CSMD2: variants seen among roughly 807,000 people sequenced by gnomAD.
The protein encoded by CSMD2 is CUB and Sushi multiple domains 2, also known as CUB and sushi domain-containing protein 2.
In CSMD2, 130 loss-of-function variants were observed where a neutral mutation model predicts 398.5. That is an observed-to-expected ratio of 0.33 (90% CI 0.28 to 0.38). CSMD2 has a LOEUF of 0.38. Among genes scored for constraint, CSMD2 ranks in the 10% least tolerant of loss-of-function variants. The probability of loss-of-function intolerance (pLI) is 1.00; values close to 1 mark genes in which losing one functional copy is unlikely to be tolerated. For synonymous variants in CSMD2, 1,828 were observed against 1,908.5 expected, an observed-to-expected ratio of 0.96 and a Z score of 1.10; for missense variants, 3,829 against 4,764.9, an observed-to-expected ratio of 0.80 and a Z score of 5.78.
chr1:33,902,725 G>C (rs1456405503), intron 5 of CSMD2, among the ~76,000 whole-genome samples: 1 of 152,146 alleles, frequency 6.6e-6, no homozygotes, highest in East Asian at 1.9e-4. Flanking sequence ...GAAAGATAAA[G>C]CCACATGCAG....
chr1:34,052,887 G>A (rs911096330), intron 2 of CSMD2, among the ~76,000 whole-genome samples: 5 of 152,084 alleles, frequency 3.3e-5, no homozygotes, highest in Non-Finnish European at 7.4e-5. Flanking sequence ...AAGAGGGTCC[G>A]TGGATTTGGC....
chr1:33,778,292 C>T (rs546601200), intron 12 of CSMD2, among the ~76,000 whole-genome samples: 4 of 152,234 alleles, frequency 2.6e-5, no homozygotes, highest in Admixed American at 6.5e-5. Context: ...AACTCCTGGG[C>T]TCGAGCAATC....
intron 1 of CSMD2, among the ~76,000 whole-genome samples, chr1:34,126,190 T>C (rs917097311): frequency 2.6e-5 from 4 of 152,188 alleles, no homozygotes. Flanking sequence ...CCACCTCCAA[T>C]TTAAACTACT....
At chr1:33,783,680 T>A (rs1236191776) in intron 12 of CSMD2, among the ~76,000 whole-genome samples, 1 of 152,168 alleles carries the variant, frequency 6.6e-6, no homozygotes, top group Non-Finnish European at 1.5e-5. Context: ...ACAACCGTTA[T>A]CTTTACCCCA....
intron 3 of CSMD2, among the ~76,000 whole-genome samples, chr1:33,967,390 G>A (rs966432231): frequency 6.6e-6 from 1 of 152,016 alleles, no homozygotes; most frequent in Non-Finnish European, 1.5e-5. Flanking sequence ...ACACCCCAGC[G>A]TGAACAAATG....
chr1:33,614,908 G>A (rs1641287923), intron 39 of CSMD2, among the ~76,000 whole-genome samples: 1 of 152,190 alleles, frequency 6.6e-6, no homozygotes, highest in Admixed American at 6.5e-5. Context: ...TGGTGAGGAT[G>A]TCCAGGAAAA....
intron 1 of CSMD2, among the ~76,000 whole-genome samples, chr1:34,112,783 A>G (rs1036288892): frequency 6.6e-6 from 1 of 152,192 alleles, no homozygotes; most frequent in Non-Finnish European, 1.5e-5. Context: ...TGGGAGTAGC[A>G]TGGGGATATA....
chr1:33,778,077 T>C (rs543666333), intron 12 of CSMD2, among the ~76,000 whole-genome samples: 4 of 152,364 alleles, frequency 2.6e-5, no homozygotes, highest in Admixed American at 2.0e-4. Context: ...TTGGCATGAC[T>C]AACGCCTTGC....
At chr1:33,756,814 C>G (rs574893303) in intron 13 of CSMD2, among the ~76,000 whole-genome samples, 1 of 152,116 alleles carries the variant, frequency 6.6e-6, no homozygotes, top group African/African-American at 2.4e-5. Flanking sequence ...TGGGTATATA[C>G]CCAAAGGATT....
In CSMD2 at chr1:34,012,947, G is replaced by C. The variant is rs1234995428; in HGVS notation, c.517+19647C>G. ...AGGCTTGTCTGCATTTTGTTTTCCT[G>C]GGGTTCCCATCTGCAATGGGCCAGC... On this transcript the variant is annotated intron_variant, in intron 3 of 70. Coordinates refer to ENST00000373381, the MANE Select transcript of CSMD2 (RefSeq NM_001281956.2). Among the ~76,000 whole-genome samples the C allele has an allele frequency of 2.0e-5, 3 of 152,124 alleles. No individual in the cohort carries two copies. The East Asian group carries it at 5.8e-4, about 29-fold the overall frequency.
chr1:34,148,997 C>G (rs771136), intron 1 of CSMD2, among the ~76,000 whole-genome samples: 54,620 of 152,000 alleles, frequency 0.36, 11,260 homozygotes, highest in East Asian at 0.61. Context: ...GGTCATGAAA[C>G]CTTTGCCCTC....
At chr1:33,729,763 A>G (rs989089507) in intron 15 of CSMD2, among the ~76,000 whole-genome samples, 1 of 152,162 alleles carries the variant, frequency 6.6e-6, no homozygotes, top group African/African-American at 2.4e-5. Flanking sequence ...AAGCACAGTG[A>G]AATATTGTTT....
At chr1:34,066,107 A>G (rs1198752121) in intron 2 of CSMD2, among the ~76,000 whole-genome samples, 2 of 152,166 alleles carry the variant, frequency 1.3e-5, no homozygotes, top group African/African-American at 2.4e-5. Context: ...ATGATAATAC[A>G]TTCCCCATAG....
intron 12 of CSMD2, among the ~76,000 whole-genome samples, chr1:33,780,550 G>A (rs1316477657): frequency 6.6e-6 from 1 of 152,218 alleles, no homozygotes; most frequent in Non-Finnish European, 1.5e-5. Flanking sequence ...GGACATGGAG[G>A]TAGCCTCCAA....
chr1:33,587,457 G>C (rs750659249), intron 44 of CSMD2, among the ~76,000 whole-genome samples: 2 of 152,196 alleles, frequency 1.3e-5, no homozygotes, highest in Non-Finnish European at 2.9e-5. Flanking sequence ...GTGGATATTA[G>C]GCGTTTTATA....
In CSMD2 at chr1:33,824,506, C is replaced by T. The variant is rs144747671; in HGVS notation, c.1111+1191G>A. On this transcript the variant is annotated intron_variant, in intron 7 of 70. Coordinates refer to ENST00000373381, the MANE Select transcript of CSMD2 (RefSeq NM_001281956.2). ...CCACAGACAATCCCCAACCCAGGCT[C>T]GGTTCAGTCGGAGCCTGAGACCAAA... Among the ~76,000 whole-genome samples the T allele has an allele frequency of 6.5e-3, 984 of 152,350 alleles. 10 individuals are homozygous for T. The highest frequency in any genetic ancestry group is 0.037 in the Middle Eastern group (11 of 294).
Position 33,918,259 on chromosome 1 carries a change from A to T in CSMD2, c.755T>A (p.Ile252Asn), listed in dbSNP as rs757241022. 1 of 1,614,082 alleles carries T rather than the reference A, an allele frequency of 6.2e-7. No individual in the cohort carries two copies. The highest frequency in any genetic ancestry group is 1.1e-5 in the South Asian group (1 of 91,084). The change falls in exon 5 of 71, where the codon ATC (isoleucine) becomes AAC (asparagine). Residue 252 changes from isoleucine to asparagine, a missense_variant. Ile to Asn is a moderately radical substitution (Grantham distance 149). This residue lies in a region of CSMD2 where 2,001 missense variants were observed against 2,567.1 expected (regional missense o/e 0.78). Transcript: ENST00000373381. ...CGGTLRGQSGIISSPHFPSEY... is the reference protein window; with the variant it reads ...CGGTLRGQSGNISSPHFPSEY... ...CGAGGGGAAGTGGGGGCTGGAGATG[A>T]TGCCACTCTGGCCCCGCAGGGTCCC...
chr1:33,768,248 G>T lies in CSMD2; in HGVS notation c.1846+4321C>A, dbSNP rs1412875421. On this transcript the variant is annotated intron_variant, in intron 13 of 70. Coordinates refer to ENST00000373381, the MANE Select transcript of CSMD2 (RefSeq NM_001281956.2). ...AATTTGACAAAACTAAGTTATCCTA[G>T]ACTAGTCGTTCTTAATCTGTGATTT... is the stretch of plus-strand genomic sequence containing the variant. Among the ~76,000 whole-genome samples the T allele has an allele frequency of 3.3e-5, 5 of 152,112 alleles. No homozygotes were observed. The South Asian group carries it at 6.2e-4, about 19-fold the overall frequency.
At chr1:33,832,182 T>A (rs915931009) in intron 6 of CSMD2, among the ~76,000 whole-genome samples, 2 of 147,494 alleles carry the variant, frequency 1.4e-5, no homozygotes, top group African/African-American at 5.1e-5. Context: ...TCTACAGAAC[T>A]CTCCACCCCA....
Sources: gnomAD v4.1 joint callset for allele counts (sites outside exome capture counted in the v4.1 genomes callset) on GRCh38, gnomAD v4.1.1 for gene constraint, gnomAD v4.1.1 regional missense constraint, MANE v1.5 for transcripts, NCBI Gene and HGNC (gene_info 2026-07-23, HGNC 2026-07-21) for gene names.